The following NFRKB variants were observed in gnomAD, a reference collection of about 807,000 sequenced individuals.
NFRKB encodes the protein nuclear factor related to kappaB binding protein, also known as nuclear factor related to kappa-B-binding protein.
A neutral mutation model predicts 135.7 loss-of-function variants in NFRKB; 62 were observed. The observed-to-expected ratio is 0.46, with a 90% confidence interval of 0.37 to 0.56. NFRKB has a LOEUF of 0.56. NFRKB is among the 20% of genes least tolerant of loss of function. The pLI, the probability that NFRKB is intolerant of heterozygous loss-of-function variation, is 0.00. For synonymous variants in NFRKB, 678 were observed against 635.6 expected, an observed-to-expected ratio of 1.07 and a Z score of -1.00; for missense variants, 1,545 against 1,662.0, an observed-to-expected ratio of 0.93 and a Z score of 1.22.
chr11:129,892,048 T>TC (rs1949582041), intron 3 of NFRKB, among the ~76,000 whole-genome samples: 1 of 152,120 alleles, frequency 6.6e-6, no homozygotes, highest in African/African-American at 2.4e-5. Flanking sequence ...CTTCCTTTTT[T>TC]TTTTCTATTT....
At position 129,864,641 on chromosome 11, in the gene NFRKB, A is replaced by C. The variant is rs1948102911; in HGVS notation, c.*84T>G. ...CTGGCTGCCTTGAACAGGCAAGCTT[A>C]AAACAATGATGCAACCTCCCTGGTC... On this transcript the variant is annotated 3_prime_UTR_variant, in exon 27 of 27. Coordinates refer to ENST00000682444, the MANE Select transcript of NFRKB (RefSeq NM_001143835.2). 1 of 1,588,788 alleles carries C rather than the reference A, an allele frequency of 6.3e-7. No homozygotes were observed. The highest frequency in any genetic ancestry group is 1.3e-5 in the African/African-American group (1 of 74,590).
intron 6 of NFRKB, 118 bp from the exon 7 acceptor site, chr11:129,884,964 C>A (rs1430568656): frequency 3.4e-6 from 5 of 1,488,970 alleles, no homozygotes; most frequent in Non-Finnish European, 4.6e-6. Flanking sequence ...GGCCAGGGTT[C>A]CACAATCCTT....
intron 24 of NFRKB, among the ~76,000 whole-genome samples, chr11:129,867,193 A>G (rs557496693): frequency 2.0e-5 from 3 of 152,348 alleles, no homozygotes; most frequent in Admixed American, 6.5e-5. Context: ...CAGGTTGATT[A>G]TAACAGGACA....
In NFRKB at chr11:129,873,612, TC is replaced by T. The variant is rs1948620115; in HGVS notation, c.2550+132del. ...CAGCTCTGAACATTCAGTGGCTTAT[TC>T]CGATGAATGTCATCACCAGTAGCAA... On this transcript the variant is annotated intron_variant, in intron 22 of 26. Transcript: ENST00000682444. 3.2e-6 allele frequency: 4 copies of T among 1,246,224 alleles called. No homozygotes were observed. The Admixed American group carries it at 8.7e-5, about 27-fold the overall frequency. The allele number at this position is 1,246,224 out of a possible 1,614,324, so 77.2% of individuals were successfully genotyped here. A position where few individuals can be genotyped will look rare whatever the true frequency, so the allele number is the denominator to read the frequency against.
chr11:129,888,188 C>G lies in NFRKB; in HGVS notation c.337+406G>C. 6 of 500,638 alleles carry G rather than the reference C, an allele frequency of 1.2e-5. No individual in the cohort carries two copies. The South Asian group carries it at 1.6e-4, about 13-fold the overall frequency. 31.0% of individuals were successfully genotyped at this position (500,638 alleles called of 1,614,324 possible). A position where few individuals can be genotyped will look rare whatever the true frequency, so the allele number is the denominator to read the frequency against. ...GCTGAAGTGCTTGGCAGTGAAGTGT[C>G]ATATTTTCTGCAGCAAAAAGTGTGT... On this transcript the variant is annotated intron_variant, in intron 4 of 26. Transcript: ENST00000682444.
intron 17 of NFRKB, 89 bp from the exon 18 acceptor site, chr11:129,875,552 TG>T: frequency 1.0e-6 from 1 of 971,180 alleles, no homozygotes. Context: ...TGGGCAAAGC[TG>T]CCTGGGGTTC....
intron 1 of NFRKB, among the ~76,000 whole-genome samples, 197 bp from the exon 2 acceptor site, chr11:129,894,635 GAGTCA>G (rs1401889121): frequency 6.6e-6 from 1 of 152,204 alleles, no homozygotes; most frequent in Admixed American, 6.5e-5. Context: ...CTTAAGCGTT[GAGTCA>G]AGTCACGTGG....
intron 7 of NFRKB, among the ~76,000 whole-genome samples, 166 bp from the exon 8 acceptor site, chr11:129,884,309 G>A (rs756429153): frequency 2.6e-4 from 39 of 152,078 alleles, no homozygotes; most frequent in Non-Finnish European, 5.1e-4. Context: ...TTTTCCATAC[G>A]TTGGTAATAT....
intron 23 of NFRKB, 99 bp from the exon 24 acceptor site, chr11:129,870,360 ATTTTT>A (rs57667407): frequency 3.1e-6 from 4 of 1,274,564 alleles, no homozygotes; most frequent in Non-Finnish European, 4.3e-6. Flanking sequence ...GATGTTTTGT[ATTTTT>A]TTTTTAACTT....
At chr11:129,888,549 G>C (rs1949390568) in intron 4 of NFRKB, 45 bp downstream of exon 4, 1 of 1,530,196 alleles carries the variant, frequency 6.5e-7, no homozygotes, top group South Asian at 1.1e-5. Context: ...GTGAACGTGT[G>C]CCCATCCACC....
At position 129,869,716 on chromosome 11, in the gene NFRKB, C is replaced by G. The variant is rs1299273487; in HGVS notation, c.3309G>C (p.Gln1103His). The change falls in exon 24 of 27, where the codon CAG (glutamine) becomes CAC (histidine). Residue 1103 changes from glutamine (Q) to histidine (H), a missense_variant. Coordinates refer to ENST00000682444, the MANE Select transcript of NFRKB (RefSeq NM_001143835.2). ...TGGCGTGGGTTGCAACGGTGATGGTCTGGCCTGCTTTGGGAGGCATCACTC... is the reference window on the plus strand; with the variant it reads ...TGGCGTGGGTTGCAACGGTGATGGTGTGGCCTGCTTTGGGAGGCATCACTC... The part of the protein sequence containing the change: ...GLGVMPPKAG[Q>H]TITVATHAKQ... 1 of 1,614,136 alleles carries G rather than the reference C, an allele frequency of 6.2e-7. No homozygotes were observed. The highest frequency in any genetic ancestry group is 8.5e-7 in the Non-Finnish European group (1 of 1,180,050).
Position 129,872,922 on chromosome 11 carries a change from C to A in NFRKB, c.2725G>T (p.Val909Phe). ...TSAPSASTAAVIQNVTGQNII... is the reference protein window; with the variant it reads ...TSAPSASTAAFIQNVTGQNII... ...TTCTGTCCTGTGACATTTTGAATGA[C>A]GGCAGCCGTGGAGGCACTGGGAGCA... Residue 909 changes from valine to phenylalanine, a missense_variant, in exon 23 of 27, where the codon GTC becomes TTC. By Grantham distance (50) the Val-to-Phe change is conservative. Transcript: ENST00000682444. 6.2e-7 allele frequency: 1 copy of A among 1,613,134 alleles called. No individual in the cohort carries two copies. Among genetic ancestry groups the A allele is most frequent in the Non-Finnish European group, 8.5e-7 (1 of 1,179,290 alleles).
At chr11:129,864,931 G>A (rs531271419) in intron 26 of NFRKB, 35 bp downstream of exon 26, 2 of 1,612,202 alleles carry the variant, frequency 1.2e-6, no homozygotes, top group South Asian at 1.1e-5. Context: ...TCAGAGAGGA[G>A]CCGGATATGG....
intron 5 of NFRKB, 110 bp downstream of exon 5, chr11:129,886,207 T>C (rs1414244751): frequency 3.3e-6 from 4 of 1,225,056 alleles, no homozygotes; most frequent in African/African-American, 1.5e-5. Flanking sequence ...GATTAATTGG[T>C]AGCATTTTTT....
Position 129,869,688 on chromosome 11 carries a change from G to A in NFRKB, c.3337C>T (p.Gln1113Ter). Residue 1113 changes from glutamine to a stop codon, truncating the protein, a stop_gained, in exon 24 of 27, where the codon CAA (glutamine) becomes TAA (stop). Coordinates refer to ENST00000682444, the MANE Select transcript of NFRKB (RefSeq NM_001143835.2). LOFTEE classifies it high-confidence loss of function. ...GACCCACTGGCCACCGAGGCCCCTT[G>A]CTTGGCGTGGGTTGCAACGGTGATG... ...QTITVATHAK[Q>*]GASVASGSGT... The A allele has an allele frequency of 6.2e-7, 1 of 1,614,248 alleles. No homozygotes were observed. The highest frequency in any genetic ancestry group is 8.5e-7 in the Non-Finnish European group (1 of 1,180,034).
At position 129,884,094 on chromosome 11, in the gene NFRKB, G is replaced by A. The variant is rs776033052; in HGVS notation, c.792C>T (p.His264=). 3 of 1,614,206 alleles carry A rather than the reference G, an allele frequency of 1.9e-6. No individual in the cohort carries two copies. The Admixed American group carries it at 5.0e-5, about 27-fold the overall frequency. ...DSDLKIMLKK[H]HEKRKHQPDH... ...CTGGCTGATGTTTCCGCTTCTCGTG[G>A]TGCTTCTTTAACATTATCTTCAGGT... is the stretch of plus-strand genomic sequence containing the variant. The change falls in exon 8 of 27, where the codon CAC becomes CAT. Residue 264 remains histidine (H), a synonymous_variant. Transcript: ENST00000682444.
chr11:129,886,302 C>G lies in NFRKB; in HGVS notation c.465+15G>C. The G allele has an allele frequency of 1.2e-6, 2 of 1,612,666 alleles. No individual in the cohort carries two copies. The highest frequency in any genetic ancestry group is 1.7e-6 in the Non-Finnish European group (2 of 1,179,030). ...GACTGCCCACATTTTATATCCAGTTCCCAGCACTACTTACACTCCGGGAAG... is the reference window on the plus strand; with the variant it reads ...GACTGCCCACATTTTATATCCAGTTGCCAGCACTACTTACACTCCGGGAAG... On this transcript the variant is annotated intron_variant, in intron 5 of 26. Coordinates refer to ENST00000682444, the MANE Select transcript of NFRKB (RefSeq NM_001143835.2).
At position 129,870,097 on chromosome 11, in the gene NFRKB, C is replaced by T; in HGVS notation, c.2928G>A (p.Met976Ile). The T allele has an allele frequency of 6.2e-7, 1 of 1,614,270 alleles. No individual in the cohort carries two copies. Among genetic ancestry groups the T allele is most frequent in the Non-Finnish European group, 8.5e-7 (1 of 1,180,046 alleles). ...CCTGGGACTTGGCCAATGTGGCCATCATGTCCGGAGTGATTCGCAGAACCG... is the reference window on the plus strand; with the variant it reads ...CCTGGGACTTGGCCAATGTGGCCATTATGTCCGGAGTGATTCGCAGAACCG... Reference protein sequence around the residue: ...GQTVLRITPDMMATLAKSQVT... With the variant: ...GQTVLRITPDIMATLAKSQVT... Residue 976 changes from methionine to isoleucine, a missense_variant, in exon 24 of 27, where the codon ATG becomes ATA. Met to Ile is a conservative substitution (Grantham distance 10, BLOSUM62 1). Around this residue, in one of 3 missense-constraint regions of NFRKB, gnomAD observed 753 missense variants for 804.3 expected, o/e 0.94. Transcript: ENST00000682444.
intron 11 of NFRKB, 106 bp downstream of exon 11, chr11:129,881,980 A>G (rs1949049684): frequency 4.1e-6 from 6 of 1,455,692 alleles, no homozygotes; most frequent in Non-Finnish European, 5.6e-6. Flanking sequence ...AGTTAACTAC[A>G]GAGCGTTGAG....
Sources: gnomAD v4.1 joint callset for allele counts (sites outside exome capture counted in the v4.1 genomes callset) on GRCh38, gnomAD v4.1.1 for gene constraint, gnomAD v4.1.1 regional missense constraint, MANE v1.5 for transcripts, NCBI Gene and HGNC (gene_info 2026-07-23, HGNC 2026-07-21) for gene names.